The following CALN1 variants were observed in gnomAD, a reference collection of about 807,000 sequenced individuals.
CALN1 encodes calcium-binding protein 8.
In CALN1, 17 loss-of-function variants were observed where a neutral mutation model predicts 30.6. That is an observed-to-expected ratio of 0.56 (90% CI 0.38 to 0.83). CALN1 has a LOEUF of 0.83. Among genes scored for constraint, CALN1 ranks in the 40% least tolerant of loss-of-function variants. The probability of loss-of-function intolerance (pLI) is 0.00; values close to 1 mark genes in which losing one functional copy is unlikely to be tolerated. For synonymous variants in CALN1, 156 were observed against 131.4 expected, an observed-to-expected ratio of 1.19 and a Z score of -1.28; for missense variants, 291 against 354.9, an observed-to-expected ratio of 0.82 and a Z score of 1.45.
intron 3 of CALN1, among the ~76,000 whole-genome samples, chr7:72,174,005 A>C (rs1404035973): frequency 1.3e-5 from 2 of 152,150 alleles, no homozygotes; most frequent in African/African-American, 4.8e-5. Flanking sequence ...GGCAAACCAC[A>C]GACTGGGAGA....
chr7:72,182,956 TG>T (rs1789924116), intron 3 of CALN1, among the ~76,000 whole-genome samples: 1 of 152,134 alleles, frequency 6.6e-6, no homozygotes, highest in Non-Finnish European at 1.5e-5. Flanking sequence ...TTGAATGCTA[TG>T]AAAAGGAGTC....
chr7:72,392,498 C>T (rs1218011375), intron 2 of CALN1, among the ~76,000 whole-genome samples: 1 of 152,136 alleles, frequency 6.6e-6, no homozygotes, highest in Admixed American at 6.6e-5. Context: ...CATAGTGAAA[C>T]AGGACTGAAG....
At chr7:72,238,957 G>T (rs969970314) in intron 3 of CALN1, among the ~76,000 whole-genome samples, 1 of 152,158 alleles carries the variant, frequency 6.6e-6, no homozygotes, top group Non-Finnish European at 1.5e-5. Context: ...CACTAATGTG[G>T]ACAAAGCTAG....
At chr7:71,959,065 G>A (rs1797109508) in intron 5 of CALN1, among the ~76,000 whole-genome samples, 1 of 152,194 alleles carries the variant, frequency 6.6e-6, no homozygotes, top group Non-Finnish European at 1.5e-5. Flanking sequence ...ATTAAAGCAA[G>A]GATGTTCTGG....
chr7:72,371,244 A>G (rs1804225622), intron 2 of CALN1, among the ~76,000 whole-genome samples: 1 of 152,068 alleles, frequency 6.6e-6, no homozygotes. Context: ...TCCATTTTGA[A>G]TTAAGTTTTG....
rs185790647 is a variant in CALN1 at position 72,199,895 on chromosome 7, G to A, written c.244+78791C>T. ...ACGGTCAAACTATAGCCTAACTCTA[G>A]ATGGAATCCCTATACTGCAGCCCAA... On this transcript the variant is annotated intron_variant, in intron 3 of 6. Transcript: ENST00000395275. Among the ~76,000 whole-genome samples, 177 of 152,194 alleles carry A rather than the reference G, an allele frequency of 1.2e-3. 1 individual carries two copies. Among genetic ancestry groups the A allele is most frequent in the Non-Finnish European group, 2.1e-3 (142 of 68,006 alleles).
At chr7:71,822,531 A>T (rs1489652613) in intron 5 of CALN1, among the ~76,000 whole-genome samples, 1 of 152,182 alleles carries the variant, frequency 6.6e-6, no homozygotes, top group East Asian at 1.9e-4. Context: ...TGCAGGCGTG[A>T]GTCACCGTGC....
chr7:71,960,626 T>C (rs6959697), intron 5 of CALN1, among the ~76,000 whole-genome samples: 375 of 152,340 alleles, frequency 2.5e-3, no homozygotes, highest in African/African-American at 8.2e-3. Context: ...TGAATAGTGC[T>C]GCAACAAACA....
chr7:72,258,383 T>C (rs1796059022), intron 3 of CALN1, among the ~76,000 whole-genome samples: 1 of 152,176 alleles, frequency 6.6e-6, no homozygotes. Flanking sequence ...CAGAGTGAAC[T>C]TCCTTTAAAA....
intron 3 of CALN1, among the ~76,000 whole-genome samples, chr7:72,111,323 G>C (rs115934112): frequency 2.6e-5 from 4 of 152,310 alleles, no homozygotes; most frequent in African/African-American, 9.6e-5. Flanking sequence ...GAGTCGCCCA[G>C]AATCAAAGTT....
chr7:72,115,484 C>CTT lies in CALN1; in HGVS notation c.245-9192_245-9191dup, dbSNP rs71069026. Among the ~76,000 whole-genome samples the CTT allele has an allele frequency of 7.8e-3, 625 of 80,574 alleles. 9 individuals carry two copies. The highest frequency in any genetic ancestry group is 0.025 in the African/African-American group (452 of 18,108). The allele number at this position is 80,574 out of a possible 152,430, so 52.9% of individuals were successfully genotyped here. A position where few individuals can be genotyped will look rare whatever the true frequency, so the allele number is the denominator to read the frequency against. ...GATAAATACATTACACATATACATT[C>CTT]TTTTTTTTTTTTTTTTTTTTTTTTT... On this transcript the variant is annotated intron_variant, in intron 3 of 6. Transcript: ENST00000395275.
chr7:72,272,617 G>A (rs997011383), intron 3 of CALN1, among the ~76,000 whole-genome samples: 1 of 152,132 alleles, frequency 6.6e-6, no homozygotes, highest in African/African-American at 2.4e-5. Flanking sequence ...ATGCACACAT[G>A]TGAGAGGCTG....
intron 1 of CALN1, among the ~76,000 whole-genome samples, chr7:72,446,570 G>A (rs1808533155): frequency 1.3e-5 from 2 of 152,202 alleles, no homozygotes; most frequent in Non-Finnish European, 2.9e-5. Flanking sequence ...ACGACTTACA[G>A]GGAAAGTTGT....
chr7:72,162,209 C>T (rs1788164542), intron 3 of CALN1, among the ~76,000 whole-genome samples: 1 of 151,884 alleles, frequency 6.6e-6, no homozygotes. Context: ...TAATCTATTA[C>T]CTTGAGTCTT....
intron 5 of CALN1, among the ~76,000 whole-genome samples, chr7:71,987,982 G>A (rs988732703): frequency 2.0e-4 from 30 of 152,290 alleles, no homozygotes; most frequent in African/African-American, 6.7e-4. Flanking sequence ...GGGGAAGGGA[G>A]GCCGTGTCAG....
intron 2 of CALN1, among the ~76,000 whole-genome samples, chr7:72,326,089 G>A (rs775866519): frequency 1.3e-5 from 2 of 152,164 alleles, no homozygotes; most frequent in Admixed American, 6.6e-5. Flanking sequence ...TTTTAGTAGA[G>A]ACGCAGTTTC....
intron 3 of CALN1, among the ~76,000 whole-genome samples, chr7:72,148,144 G>GAAAA (rs34363697): frequency 3.8e-5 from 5 of 131,484 alleles, no homozygotes; most frequent in Admixed American, 7.7e-5. Flanking sequence ...CAAACAAACA[G>GAAAA]AAAAAAAAAA....
At chr7:71,898,662 C>T (rs745761708) in intron 5 of CALN1, among the ~76,000 whole-genome samples, 1 of 152,140 alleles carries the variant, frequency 6.6e-6, no homozygotes, top group Non-Finnish European at 1.5e-5. Flanking sequence ...ATGAAATCCA[C>T]AACTGGACAC....
At chr7:72,266,084 T>G (rs1351860191) in intron 3 of CALN1, among the ~76,000 whole-genome samples, 1 of 151,596 alleles carries the variant, frequency 6.6e-6, no homozygotes, top group Non-Finnish European at 1.5e-5. Flanking sequence ...CAGTGAGCAG[T>G]GAAGGCACCA....
Sources: gnomAD v4.1 joint callset for allele counts (sites outside exome capture counted in the v4.1 genomes callset) on GRCh38, gnomAD v4.1.1 for gene constraint, MANE v1.5 for transcripts, NCBI Gene and HGNC (gene_info 2026-07-23, HGNC 2026-07-21) for gene names.